Variants in PPWD1 observed in about 807,000 individuals in gnomAD.
The protein encoded by PPWD1 is peptidylprolyl isomerase domain and WD repeat-containing protein 1.
In PPWD1, 43 loss-of-function variants were observed where a neutral mutation model predicts 68.8. The ratio of observed to expected loss-of-function variants is 0.62; its 90% confidence interval spans 0.49 to 0.81. The LOEUF (loss-of-function observed/expected upper bound fraction) is 0.81. Ranked by LOEUF, PPWD1 falls within the 30% of genes least tolerant of loss-of-function variation. The probability of loss-of-function intolerance (pLI) is 0.00; values close to 1 mark genes in which losing one functional copy is unlikely to be tolerated. For missense variants in PPWD1, 672 were observed against 804.8 expected, an observed-to-expected ratio of 0.83 and a Z score of 2.00; for synonymous variants, 232 against 258.7, an observed-to-expected ratio of 0.90 and a Z score of 0.99.
At chr5:65,570,485 A>C (rs571134921) in intron 4 of PPWD1, 3 of 318,658 alleles carry the variant, frequency 9.4e-6, no homozygotes, top group African/African-American at 6.7e-5. Flanking sequence ...CTTTTTTAAG[A>C]TAACATAGAA....
At chr5:65,568,122 T>C (rs1337746709) in intron 2 of PPWD1, 1 of 152,218 alleles carries the variant, frequency 6.6e-6, no homozygotes, top group Non-Finnish European at 1.5e-5. Flanking sequence ...TTTGAGATTT[T>C]CTGATTAGGG....
At chr5:65,579,218 C>T (rs564851759) in intron 6 of PPWD1, 2 of 752,412 alleles carry the variant, frequency 2.7e-6, no homozygotes, top group East Asian at 7.4e-5. Context: ...TGCCTGGCCT[C>T]ATTTCTGTTT....
chr5:65,584,898 C>T (rs1005837752), intron 8 of PPWD1, 116 bp from the exon 9 acceptor site: 4 of 1,365,416 alleles, frequency 2.9e-6, no homozygotes, highest in Non-Finnish European at 3.9e-6. Context: ...AACAACTGTC[C>T]TTCTGAAACA....
Position 65,579,457 on chromosome 5 carries a change from TAG to T in PPWD1, c.1197_1198del (p.Arg399SerfsTer26). The part of the protein sequence containing the change: ...VRILGKQENI[R>X]VMQLALFQGI... ...GGATTTTAGGCAAACAAGAAAATAT[TAG>T]AGTGATGCAATTGGCTTTGTTCCAG... On this transcript the variant is annotated frameshift_variant, in exon 7 of 11. Coordinates refer to ENST00000261308, the MANE Select transcript of PPWD1 (RefSeq NM_015342.4). LOFTEE classifies it high-confidence loss of function. 1 of 1,590,234 alleles carries T rather than the reference TAG, an allele frequency of 6.3e-7. No homozygotes were observed. The highest frequency in any genetic ancestry group is 8.5e-7 in the Non-Finnish European group (1 of 1,171,272).
Position 65,586,190 on chromosome 5 carries a change from A to G in PPWD1, c.1797+9A>G. 6.2e-7 allele frequency: 1 copy of G among 1,604,870 alleles called. No homozygotes were observed. The highest frequency in any genetic ancestry group is 8.5e-7 in the Non-Finnish European group (1 of 1,174,436). On this transcript the variant is annotated intron_variant, in intron 10 of 10. Transcript: ENST00000261308. ...TAACGGTAGTACCAACGGTAAGTAC[A>G]GTATCATTGTTTATAAACTACAGAT...
At chr5:65,572,500 A>T (rs1561724913) in intron 5 of PPWD1, among the ~76,000 whole-genome samples, 1 of 151,366 alleles carries the variant, frequency 6.6e-6, no homozygotes, top group East Asian at 1.9e-4. Flanking sequence ...CAAGTCAATT[A>T]TTGTCTTATT....
In PPWD1 at chr5:65,572,023, A is replaced by C; in HGVS notation, c.706A>C (p.Lys236Gln). 1 of 1,614,130 alleles carries C rather than the reference A, an allele frequency of 6.2e-7. No homozygotes were observed. Among genetic ancestry groups the C allele is most frequent in the Non-Finnish European group, 8.5e-7 (1 of 1,179,966 alleles). Residue 236 changes from lysine (K) to glutamine (Q), a missense_variant, in exon 5 of 11, where the codon AAA becomes CAA. By Grantham distance (53) the Lys-to-Gln change is moderately conservative. Around this residue, in one of 2 missense-constraint regions of PPWD1, gnomAD observed 484 missense variants for 646.2 expected, o/e 0.75. Transcript: ENST00000261308. ...LTQIRLNPVYKAVVSSDKSGM... is the reference protein window; with the variant it reads ...LTQIRLNPVYQAVVSSDKSGM... ...TCAGATACGGCTAAACCCAGTTTAC[A>C]AAGCAGTAGTGTCTTCTGACAAATC...
In PPWD1 at chr5:65,569,094, T is replaced by C. The variant is rs748345079; in HGVS notation, c.300-538T>C. 391 of 447,422 alleles carry C rather than the reference T, an allele frequency of 8.7e-4. 2 individuals carry two copies. The highest frequency in any genetic ancestry group is 1.1e-3 in the Non-Finnish European group (240 of 224,018). 27.7% of individuals were successfully genotyped at this position (447,422 alleles called of 1,614,324 possible). On this transcript the variant is annotated intron_variant, in intron 2 of 10. Transcript: ENST00000261308. The stretch of plus-strand genomic sequence containing the variant: ...ATTAACTAAGGTAATATGTACAAAG[T>C]ACCTGACATATACTGGGTTTCCATA...
At chr5:65,572,318 C>G in intron 5 of PPWD1, 32 bp downstream of exon 5, 1 of 1,532,118 alleles carries the variant, frequency 6.5e-7, no homozygotes. Context: ...CCGTACTTTA[C>G]TTTTCTAAAA....
At chr5:65,582,969 A>G (rs562518183) in intron 7 of PPWD1, 69 bp from the exon 8 acceptor site, 1,276 of 1,444,274 alleles carry the variant, frequency 8.8e-4, no homozygotes, top group Middle Eastern at 1.1e-3. Flanking sequence ...TAGAAATTCT[A>G]TTGTTCATAA....
In PPWD1 at chr5:65,568,308, C is replaced by G. The variant is rs76499623; in HGVS notation, c.299+693C>G. On this transcript the variant is annotated intron_variant, in intron 2 of 10. Transcript: ENST00000261308. The stretch of plus-strand genomic sequence containing the variant: ...ATGCTAAGGCTTTTTCTTTTTTTAT[C>G]TATCAAGTTAAGGCTTTTTCATAAA... 4.6e-5 allele frequency among the ~76,000 whole-genome samples: 7 copies of G among 152,144 alleles called. No individual in the cohort carries two copies. The East Asian group carries it at 1.4e-3, about 29-fold the overall frequency.
chr5:65,564,325 T>C (rs1285660645), intron 1 of PPWD1, among the ~76,000 whole-genome samples: 3 of 20,872 alleles, frequency 1.4e-4, no homozygotes, highest in Non-Finnish European at 3.6e-4. Context: ...TCTCTTTTTT[T>C]TTTTTTTTTT....
At chr5:65,564,924 G>A (rs1752652849) in intron 1 of PPWD1, among the ~76,000 whole-genome samples, 1 of 152,096 alleles carries the variant, frequency 6.6e-6, no homozygotes, top group Non-Finnish European at 1.5e-5. Context: ...CTCCAGTCTG[G>A]ACTGGATTTC....
chr5:65,572,028 A>G lies in PPWD1; in HGVS notation c.711A>G (p.Ala237=), dbSNP rs761481801. The G allele has an allele frequency of 6.2e-7, 1 of 1,614,136 alleles. No homozygotes were observed. The highest frequency in any genetic ancestry group is 8.5e-7 in the Non-Finnish European group (1 of 1,179,966). ...TACGGCTAAACCCAGTTTACAAAGC[A>G]GTAGTGTCTTCTGACAAATCTGGGA... is the stretch of plus-strand genomic sequence containing the variant. The part of the protein sequence containing the change: ...TQIRLNPVYK[A]VVSSDKSGMI... Residue 237 remains alanine, a synonymous_variant, in exon 5 of 11, where the codon GCA becomes GCG. Coordinates refer to ENST00000261308, the MANE Select transcript of PPWD1 (RefSeq NM_015342.4).
Position 65,567,567 on chromosome 5 carries a change from A to G in PPWD1, c.251A>G (p.Glu84Gly), listed in dbSNP as rs745879981. 6.2e-7 allele frequency: 1 copy of G among 1,612,672 alleles called. No homozygotes were observed. Among genetic ancestry groups the G allele is most frequent in the South Asian group, 1.1e-5 (1 of 90,938 alleles). ...LDNLPSASMY[E>G]RSYMHRDVIT... Reference sequence around the variant, plus strand: ...AATCTCCCCAGTGCATCCATGTATGAGCGCAGTTACATGCATAGAGATGTT... The same window carrying G: ...AATCTCCCCAGTGCATCCATGTATGGGCGCAGTTACATGCATAGAGATGTT... Residue 84 changes from glutamate (E) to glycine (G), a missense_variant, in exon 2 of 11, where the codon GAG (glutamate) becomes GGG (glycine). By Grantham distance (98) the Glu-to-Gly change is moderately conservative. This residue lies in a region of PPWD1 where 188 missense variants were observed against 158.6 expected (regional missense o/e 1.19). Coordinates refer to ENST00000261308, the MANE Select transcript of PPWD1 (RefSeq NM_015342.4).
chr5:65,574,413 G>T (rs1303850872), intron 5 of PPWD1, among the ~76,000 whole-genome samples: 2 of 144,144 alleles, frequency 1.4e-5, no homozygotes, highest in Non-Finnish European at 3.0e-5. Flanking sequence ...CTTAGGCAAA[G>T]AAATATTCAG....
At chr5:65,564,066 T>G in intron 1 of PPWD1, 2 of 548,366 alleles carry the variant, frequency 3.6e-6, no homozygotes, top group Non-Finnish European at 6.5e-6. Flanking sequence ...TCTGTGGTTT[T>G]GAAATCACGC....
intron 1 of PPWD1, among the ~76,000 whole-genome samples, chr5:65,566,466 A>T (rs1246470687): frequency 2.6e-5 from 4 of 152,016 alleles, no homozygotes; most frequent in Non-Finnish European, 5.9e-5. Context: ...ACTTTTACTC[A>T]TTAGCATATG....
In PPWD1 at chr5:65,585,041, T is replaced by C. The variant is rs1753769714; in HGVS notation, c.1560T>C (p.Cys520=). The stretch of plus-strand genomic sequence containing the variant: ...GCCCTAAGACAGTGGAAAACTTCTG[T>C]GTTCACAGCAGAAATGGTTATTATA... The part of the protein sequence containing the change: ...VECPKTVENF[C]VHSRNGYYNG... The change falls in exon 9 of 11, where the codon TGT becomes TGC. Residue 520 remains cysteine, a synonymous_variant. Coordinates refer to ENST00000261308, the MANE Select transcript of PPWD1 (RefSeq NM_015342.4). 1 of 1,612,698 alleles carries C rather than the reference T, an allele frequency of 6.2e-7. No homozygotes were observed. The highest frequency in any genetic ancestry group is 8.5e-7 in the Non-Finnish European group (1 of 1,178,928).
Sources: allele counts gnomAD v4.1 joint callset (sites outside exome capture counted in the v4.1 genomes callset), GRCh38; gene constraint gnomAD v4.1.1; regional missense constraint gnomAD v4.1.1; transcripts MANE v1.5; gene names NCBI Gene and HGNC (gene_info 2026-07-23, HGNC 2026-07-21).